Variants in AFF2 observed in about 807,000 individuals in gnomAD.
The protein encoded by AFF2 is ALF transcription elongation factor 2.
Under a neutral mutation model 76.9 loss-of-function variants are expected in AFF2, and 14 were observed. The ratio of observed to expected loss-of-function variants is 0.18; its 90% confidence interval spans 0.12 to 0.28. The LOEUF (loss-of-function observed/expected upper bound fraction) is 0.28, where lower values mean the gene tolerates loss of function less well. Ranked by LOEUF, AFF2 falls within the 10% of genes least tolerant of loss-of-function variation. The pLI, the probability that AFF2 is intolerant of heterozygous loss-of-function variation, is 1.00. For synonymous variants in AFF2, 398 were observed against 366.7 expected (o/e 1.09, Z -0.98); for missense variants, 868 against 1,001.1 (o/e 0.87, Z 1.79).
chrX:148,592,080 C>G (rs920026852), intron 1 of AFF2, among the ~76,000 whole-genome samples: 10 of 112,013 alleles, frequency 8.9e-5, no homozygotes, highest in African/African-American at 3.3e-4. Context: ...TGGCATCTCT[C>G]TTTATTCCCT....
At chrX:148,515,285 C>T (rs1248542230) in intron 1 of AFF2, among the ~76,000 whole-genome samples, 2 of 111,685 alleles carry the variant, frequency 1.8e-5, no homozygotes, top group Admixed American at 1.9e-4. Flanking sequence ...ACTTATGAAC[C>T]ATCATTTAAA....
intron 3 of AFF2, among the ~76,000 whole-genome samples, chrX:148,690,834 T>C (rs1264795869): frequency 8.9e-6 from 1 of 111,765 alleles, no homozygotes; most frequent in Non-Finnish European, 1.9e-5. Context: ...TTTTGGAGGC[T>C]AGTAGTCTAA....
chrX:148,912,547 A>G (rs1460670540), intron 9 of AFF2, among the ~76,000 whole-genome samples: 1 of 112,098 alleles, frequency 8.9e-6, no homozygotes, highest in Non-Finnish European at 1.9e-5. Context: ...AATAATCTAT[A>G]AATCCAACCC....
At chrX:148,530,195 A>G (rs2052713776) in intron 1 of AFF2, among the ~76,000 whole-genome samples, 1 of 111,595 alleles carries the variant, frequency 9.0e-6, no homozygotes, top group African/African-American at 3.3e-5. Flanking sequence ...TGAGCACCCA[A>G]GAAATGTTAT....
rs781844661 is a variant in AFF2, at chrX:148,996,675, G to A, written c.*5343G>A. 3 of 111,886 alleles carry A rather than the reference G, an allele frequency of 2.7e-5. No individual in the cohort carries two copies. The highest frequency in any genetic ancestry group is 2.8e-4 in the East Asian group (1 of 3,547). 9.2% of individuals were successfully genotyped at this position (111,886 alleles called of 1,213,427 possible). ...GAAAGCTTATGATAAGGCCCTAGAG[G>A]TATGGGTTGCCCTGGAAGCCTAGGT... On this transcript the variant is annotated 3_prime_UTR_variant, in exon 21 of 21. Transcript: ENST00000370460.
At position 148,962,729 on chromosome X, in the gene AFF2, G is replaced by A; in HGVS notation, c.2705G>A (p.Arg902Lys). The A allele has an allele frequency of 8.3e-7, 1 of 1,207,489 alleles. No individual in the cohort carries two copies. ...PPNTRENNSSRRANRRKEEKL... is the reference protein window; with the variant it reads ...PPNTRENNSSKRANRRKEEKL... ...GTTTTTCACAGAAATAATTCATCCAGGAGAGCAAATAGAAGAAAGGAAGAA... is the reference window on the plus strand; with the variant it reads ...GTTTTTCACAGAAATAATTCATCCAAGAGAGCAAATAGAAGAAAGGAAGAA... Residue 902 changes from arginine to lysine, a missense_variant, in exon 13 of 21, where the codon AGG (arginine) becomes AAG (lysine). Physicochemically the swap from Arg to Lys is conservative, Grantham distance 26 (BLOSUM62 2). Transcript: ENST00000370460.
At chrX:148,934,066 T>C (rs181935836) in intron 9 of AFF2, among the ~76,000 whole-genome samples, 1 of 112,783 alleles carries the variant, frequency 8.9e-6, no homozygotes, top group East Asian at 2.8e-4. Context: ...GAAATCTGAC[T>C]GCTGACGCAT....
In AFF2 at chrX:148,973,509, C is replaced by G. The variant is rs781844511; in HGVS notation, c.3306C>G (p.Ala1102=). The change falls in exon 16 of 21, where the codon GCC becomes GCG. Residue 1102 remains alanine, a synonymous_variant. Transcript: ENST00000370460. ...KFGKAVNYAD[A]ALSFTECGNA... ...GCAAAGCTGTGAATTATGCTGATGCCGCCCTCTCCTTCACTGAATGTGGCA... is the reference window on the plus strand; with the variant it reads ...GCAAAGCTGTGAATTATGCTGATGCGGCCCTCTCCTTCACTGAATGTGGCA... 1 of 1,211,145 alleles carries G rather than the reference C, an allele frequency of 8.3e-7. No homozygotes were observed. The highest frequency in any genetic ancestry group is 2.2e-5 in the Admixed American group (1 of 46,013).
rs1239339057 is a variant in AFF2, at chrX:148,997,853, C to A, written c.*6521C>A. ...ATCCTCACTAATCAATCATATTCAC[C>A]CATAAATATTACAAATGAGATTGAT... On this transcript the variant is annotated 3_prime_UTR_variant, in exon 21 of 21. Transcript: ENST00000370460. 2.7e-5 allele frequency: 3 copies of A among 112,111 alleles called. No individual in the cohort carries two copies. The highest frequency in any genetic ancestry group is 9.7e-5 in the African/African-American group (3 of 30,853). The allele number at this position is 112,111 out of a possible 1,213,427, so 9.2% of individuals were successfully genotyped here. A position where few individuals can be genotyped will look rare whatever the true frequency, so the allele number is the denominator to read the frequency against.
chrX:148,623,904 C>T (rs1307267664), intron 1 of AFF2, among the ~76,000 whole-genome samples: 1 of 110,928 alleles, frequency 9.0e-6, no homozygotes, highest in African/African-American at 3.3e-5. Context: ...TTGGCCAACA[C>T]ATGTGCCTTT....
At chrX:148,690,716 C>G (rs782131712) in intron 3 of AFF2, among the ~76,000 whole-genome samples, 1 of 112,610 alleles carries the variant, frequency 8.9e-6, no homozygotes, top group South Asian at 3.7e-4. Flanking sequence ...CCTACTGGCT[C>G]TATGACATTC....
intron 1 of AFF2, among the ~76,000 whole-genome samples, chrX:148,626,306 C>G (rs782232035): frequency 2.7e-5 from 3 of 110,218 alleles, no homozygotes; most frequent in African/African-American, 9.9e-5. Flanking sequence ...TTTTACTCTC[C>G]TGGTGCGAGT....
At chrX:148,830,191 A>C (rs1342353860) in intron 4 of AFF2, among the ~76,000 whole-genome samples, 2 of 111,854 alleles carry the variant, frequency 1.8e-5, no homozygotes, top group Non-Finnish European at 3.8e-5. Context: ...ACTTCCCTCT[A>C]AGGGAATTTC....
chrX:148,633,165 G>C (rs1054724929), intron 1 of AFF2, among the ~76,000 whole-genome samples: 3 of 111,475 alleles, frequency 2.7e-5, no homozygotes, highest in Admixed American at 9.5e-5. Flanking sequence ...ATACAAGATG[G>C]TGTAGTATTA....
chrX:148,892,824 G>A (rs1402016542), intron 8 of AFF2, among the ~76,000 whole-genome samples: 1 of 111,454 alleles, frequency 9.0e-6, no homozygotes, highest in African/African-American at 3.3e-5. Flanking sequence ...TGAACAAGTT[G>A]TTACCTCCCC....
chrX:148,959,355 T>C (rs2072081666), intron 12 of AFF2, among the ~76,000 whole-genome samples: 1 of 112,491 alleles, frequency 8.9e-6, no homozygotes. Context: ...AGAGATTACT[T>C]CCATCAAAGC....
At chrX:148,768,354 T>A (rs1465024178) in intron 3 of AFF2, among the ~76,000 whole-genome samples, 1 of 110,409 alleles carries the variant, frequency 9.1e-6, no homozygotes, top group African/African-American at 3.3e-5. Context: ...GTGTCCAGGT[T>A]ACCTGCAAAT....
chrX:148,883,220 C>A (rs1405490707), intron 7 of AFF2, among the ~76,000 whole-genome samples: 1 of 111,465 alleles, frequency 9.0e-6, no homozygotes, highest in Non-Finnish European at 1.9e-5. Flanking sequence ...CTTGAGATGC[C>A]CTTAGACATT....
intron 3 of AFF2, among the ~76,000 whole-genome samples, chrX:148,797,680 G>A (rs1428778361): frequency 2.7e-5 from 3 of 111,182 alleles, no homozygotes; most frequent in Non-Finnish European, 5.7e-5. Flanking sequence ...TAAAGTTATT[G>A]TCAGAGCCAT....
Sources: gnomAD v4.1 joint callset for allele counts (sites outside exome capture counted in the v4.1 genomes callset) on GRCh38, gnomAD v4.1.1 for gene constraint, MANE v1.5 for transcripts, NCBI Gene and HGNC (gene_info 2026-07-23, HGNC 2026-07-21) for gene names.